The following RABL6 variants were observed in gnomAD, a reference collection of about 807,000 sequenced individuals.
RABL6 encodes the protein RAB, member RAS oncogene family like 6, also known as rab-like protein 6.
RABL6 carries 28 observed loss-of-function variants against 72.9 expected under a neutral mutation model. The ratio of observed to expected loss-of-function variants is 0.38; its 90% CI spans 0.28 to 0.53. The LOEUF is 0.53. RABL6 is among the 20% of genes least tolerant of loss of function. The probability of loss-of-function intolerance (pLI) is 0.80; values close to 1 mark genes in which losing one functional copy is unlikely to be tolerated. For missense variants in RABL6, 1,029 were observed against 1,008.4 expected (o/e 1.02, Z -0.28); for synonymous variants, 477 against 421.2 (o/e 1.13, Z -1.62).
chr9:136,836,178 G>C (rs995837003), intron 8 of RABL6: 4 of 278,756 alleles, frequency 1.4e-5, no homozygotes, highest in Non-Finnish European at 2.1e-5. Context: ...GCCAGCATGG[G>C]GTGTGCTTTC....
intron 7 of RABL6, 22 bp downstream of exon 7, chr9:136,832,392 T>C (rs777108920): frequency 7.7e-6 from 12 of 1,567,020 alleles, no homozygotes; most frequent in Non-Finnish European, 1.1e-5. Context: ...CCACGTGGGG[T>C]GGAGTGGCTG....
intron 1 of RABL6, among the ~76,000 whole-genome samples, chr9:136,820,234 A>G (rs1039926884): frequency 4.0e-5 from 6 of 148,946 alleles, no homozygotes; most frequent in African/African-American, 1.2e-4. Context: ...ATTAGCTGGC[A>G]GATGTCTGTA....
intron 3 of RABL6, 70 bp downstream of exon 3, chr9:136,825,896 T>C: frequency 6.5e-7 from 1 of 1,536,636 alleles, no homozygotes; most frequent in Non-Finnish European, 9.0e-7. Context: ...GCTTCCTTTC[T>C]TTCCCCCGGC....
chr9:136,821,425 A>G (rs1391115806), intron 1 of RABL6: 2 of 985,236 alleles, frequency 2.0e-6, no homozygotes, highest in Non-Finnish European at 2.4e-6. Flanking sequence ...GCGGGGAGGC[A>G]GGGCCGCCGC....
intron 1 of RABL6, chr9:136,812,963 TG>T: frequency 2.9e-6 from 1 of 350,272 alleles, no homozygotes; most frequent in Admixed American, 3.2e-5. Context: ...AAGTTACCTT[TG>T]TTTCCCTCAA....
Position 136,813,747 on chromosome 9 carries a change from C to G in RABL6, c.130+5421C>G, listed in dbSNP as rs990199972. ...TTTCCTGCCTCAGCCTCCCGAGTAG[C>G]TGGGACTACAGGCACCCGTCACCAC... On this transcript the variant is annotated intron_variant, in intron 1 of 14. Coordinates refer to ENST00000311502, the MANE Select transcript of RABL6 (RefSeq NM_024718.5). 21 of 194,670 alleles carry G rather than the reference C, an allele frequency of 1.1e-4. No homozygotes were observed. In the Admixed American group the frequency reaches 1.3e-3, roughly 12 times the overall value. The allele number at this position is 194,670 out of a possible 1,614,324, so 12.1% of individuals were successfully genotyped here. A position where few individuals can be genotyped will look rare whatever the true frequency, so the allele number is the denominator to read the frequency against.
rs777136840 is a variant in RABL6, at chr9:136,831,848, G to A, written c.586G>A (p.Asp196Asn). ...ILPDDVRDFI[D>N]NLDRPPGSSY... ...GCCGGACGACGTGCGTGACTTCATCGACAACCTGGACAGGTGGGTGCGGTG... is the reference window on the plus strand; with the variant it reads ...GCCGGACGACGTGCGTGACTTCATCAACAACCTGGACAGGTGGGTGCGGTG... The change falls in exon 6 of 15, where the codon GAC (aspartate) becomes AAC (asparagine). Residue 196 changes from aspartate to asparagine, a missense_variant. Coordinates refer to ENST00000311502, the MANE Select transcript of RABL6 (RefSeq NM_024718.5). 52 of 1,611,184 alleles carry A rather than the reference G, an allele frequency of 3.2e-5. No homozygotes were observed. In the East Asian group the frequency reaches 3.3e-4, roughly 10 times the overall value.
At chr9:136,835,973 T>C in intron 8 of RABL6, 128 bp downstream of exon 8, 1 of 892,858 alleles carries the variant, frequency 1.1e-6, no homozygotes, top group Non-Finnish European at 1.7e-6. Flanking sequence ...TTAGTCACCT[T>C]TGGGCACGGG....
At chr9:136,822,960 C>T (rs142746805) in intron 1 of RABL6, among the ~76,000 whole-genome samples, 4,519 of 152,078 alleles carry the variant, frequency 0.03, 180 homozygotes, top group African/African-American at 0.093. Flanking sequence ...TGGTGGCGGG[C>T]GCCTGTAGTC....
intron 2 of RABL6, among the ~76,000 whole-genome samples, chr9:136,825,012 T>A (rs1303189037): frequency 6.6e-6 from 1 of 152,172 alleles, no homozygotes; most frequent in Non-Finnish European, 1.5e-5. Context: ...TCCCTTCCCC[T>A]TGGAATCCTT....
At position 136,840,561 on chromosome 9, in the gene RABL6, G is replaced by C. The variant is rs967319920; in HGVS notation, c.*39G>C. ...GTGGCCGCCCTGGGGCGGGGGGCGT[G>C]CCTGTCACTGCCTGGGGAGGCATTT... On this transcript the variant is annotated 3_prime_UTR_variant, in exon 15 of 15. Transcript: ENST00000311502. The C allele has an allele frequency of 6.5e-7, 1 of 1,547,538 alleles. No homozygotes were observed. The highest frequency in any genetic ancestry group is 1.4e-5 in the African/African-American group (1 of 72,994).
intron 1 of RABL6, chr9:136,821,660 TC>T: frequency 1.0e-6 from 1 of 989,442 alleles, no homozygotes; most frequent in Non-Finnish European, 1.2e-6. Context: ...GTCTCGGGCC[TC>T]CCGCCGCGCT....
Position 136,838,855 on chromosome 9 carries a change from C to T in RABL6, c.1281-54C>T, listed in dbSNP as rs577906149. The T allele has an allele frequency of 1.3e-4, 186 of 1,446,466 alleles. 1 individual carries two copies. Among genetic ancestry groups the T allele is most frequent in the African/African-American group, 5.3e-4 (37 of 70,406 alleles). The allele number at this position is 1,446,466 out of a possible 1,614,324, so 89.6% of individuals were successfully genotyped here. A position where few individuals can be genotyped will look rare whatever the true frequency, so the allele number is the denominator to read the frequency against. ...CGCCTAGAACCAAGGCCCGTGAGCCCGGCCAGCCATCCCTACCCCGTGGCC... is the reference window on the plus strand; with the variant it reads ...CGCCTAGAACCAAGGCCCGTGAGCCTGGCCAGCCATCCCTACCCCGTGGCC... On this transcript the variant is annotated intron_variant, in intron 10 of 14. Transcript: ENST00000311502.
At chr9:136,819,018 C>T (rs1236658345) in intron 1 of RABL6, among the ~76,000 whole-genome samples, 1 of 152,052 alleles carries the variant, frequency 6.6e-6, no homozygotes, top group African/African-American at 2.4e-5. Flanking sequence ...AGAAAGAATA[C>T]TTTCTGAAAA....
chr9:136,822,097 G>A, intron 1 of RABL6: 1 of 1,287,390 alleles, frequency 7.8e-7, no homozygotes, highest in Non-Finnish European at 1.0e-6. Flanking sequence ...CAGGAGAGAG[G>A]AGCCGGGTGG....
chr9:136,818,376 A>C lies in RABL6; in HGVS notation c.131-5149A>C, dbSNP rs1368227389. Among the ~76,000 whole-genome samples the C allele has an allele frequency of 1.4e-3, 31 of 21,580 alleles. 2 individuals are homozygous for C. The highest frequency in any genetic ancestry group is 3.4e-3 in the East Asian group (2 of 588). The allele number at this position is 21,580 out of a possible 152,430, so 14.2% of individuals were successfully genotyped here. A position where few individuals can be genotyped will look rare whatever the true frequency, so the allele number is the denominator to read the frequency against. ...AGACTCTGTCTCAAAAAAAAAAAAA[A>C]AAAAAAAAAAAAAAAAAAAAAAAAA... is the stretch of plus-strand genomic sequence containing the variant. On this transcript the variant is annotated intron_variant, in intron 1 of 14. Coordinates refer to ENST00000311502, the MANE Select transcript of RABL6 (RefSeq NM_024718.5).
At chr9:136,833,969 CTCCAAACCCT>C in intron 7 of RABL6, 3 of 1,534,892 alleles carry the variant, frequency 2.0e-6, no homozygotes, top group African/African-American at 2.7e-5. Context: ...ATGGTTTGCC[CTCCAAACCCT>C]TCCAAAGCCT....
At position 136,832,352 on chromosome 9, in the gene RABL6, C is replaced by A; in HGVS notation, c.687C>A (p.Ile229=). Residue 229 remains isoleucine, a synonymous_variant, in exon 7 of 15, where the codon ATC becomes ATA. Transcript: ENST00000311502. ...AGTACCTTCATAAGTTCTTCAATAT[C>A]CCATTTTTGCAGCTTCAGGTAAGCA... is the stretch of plus-strand genomic sequence containing the variant. ...GLKYLHKFFN[I]PFLQLQRETL... is the part of the protein sequence containing the mutation. 6.2e-7 allele frequency: 1 copy of A among 1,613,452 alleles called. No individual in the cohort carries two copies. Among genetic ancestry groups the A allele is most frequent in the Non-Finnish European group, 8.5e-7 (1 of 1,179,420 alleles).
chr9:136,834,217 A>T (rs1465418763), intron 7 of RABL6: 2 of 1,211,428 alleles, frequency 1.7e-6, no homozygotes. Flanking sequence ...CTCTAAAAAA[A>T]TCAGTTGTTT....
Sources: allele counts gnomAD v4.1 joint callset (sites outside exome capture counted in the v4.1 genomes callset), GRCh38; gene constraint gnomAD v4.1.1; transcripts MANE v1.5; gene names NCBI Gene and HGNC (gene_info 2026-07-23, HGNC 2026-07-21).